ANAPC10: variants seen among roughly 807,000 people sequenced by gnomAD.
ANAPC10 encodes the protein anaphase promoting complex subunit 10, also known as anaphase-promoting complex subunit 10.
A neutral mutation model predicts 22.0 loss-of-function variants in ANAPC10; 12 were observed. The ratio of observed to expected loss-of-function variants is 0.55; its 90% CI spans 0.35 to 0.88. ANAPC10 has a LOEUF of 0.88. Among genes scored for constraint, ANAPC10 ranks in the 40% least tolerant of loss-of-function variants. The probability of loss-of-function intolerance (pLI) is 0.01; values close to 1 mark genes in which losing one functional copy is unlikely to be tolerated. For synonymous variants in ANAPC10, 65 were observed against 69.5 expected (o/e 0.94, Z 0.32); for missense variants, 188 against 220.9 (o/e 0.85, Z 0.94).
At chr4:145,040,066 C>G (rs991807970) in intron 4 of ANAPC10, among the ~76,000 whole-genome samples, 4 of 151,972 alleles carry the variant, frequency 2.6e-5, no homozygotes, top group African/African-American at 9.7e-5. Context: ...AATGAAAACT[C>G]TTAATTTCAT....
intron 4 of ANAPC10, among the ~76,000 whole-genome samples, chr4:145,001,230 AGGAGGGAGTGAGGGAGGGAG>A (rs1732511503): frequency 9.7e-6 from 1 of 103,250 alleles, no homozygotes; most frequent in Non-Finnish European, 1.8e-5. Flanking sequence ...GAGGGAGGGA[AGGAGGGAGTGAGGGAGGGAG>A]GGAGGGAGGG....
intron 4 of ANAPC10, among the ~76,000 whole-genome samples, chr4:145,028,872 C>A (rs1236034495): frequency 6.6e-6 from 1 of 152,166 alleles, no homozygotes; most frequent in East Asian, 1.9e-4. Flanking sequence ...AAATGATGAA[C>A]TCAGGGATTC....
chr4:145,029,271 A>G (rs532194500), intron 4 of ANAPC10, among the ~76,000 whole-genome samples: 1 of 152,240 alleles, frequency 6.6e-6, no homozygotes, highest in African/African-American at 2.4e-5. Context: ...GTCTGAGAAG[A>G]TAAACCCTGT....
At chr4:145,067,440 C>G (rs1034138772) in intron 3 of ANAPC10, among the ~76,000 whole-genome samples, 1 of 152,126 alleles carries the variant, frequency 6.6e-6, no homozygotes, top group Non-Finnish European at 1.5e-5. Flanking sequence ...TATCCCCTCA[C>G]TCACTACACG....
intron 4 of ANAPC10, chr4:145,053,682 G>A (rs1277657489): frequency 3.4e-6 from 2 of 581,712 alleles, no homozygotes; most frequent in Middle Eastern, 3.0e-4. Flanking sequence ...AGAAAAGTAT[G>A]CATTGTCTTT....
intron 4 of ANAPC10, among the ~76,000 whole-genome samples, chr4:145,060,613 C>T (rs1742742792): frequency 6.6e-6 from 1 of 151,748 alleles, no homozygotes; most frequent in African/African-American, 2.4e-5. Context: ...CATTTCAATA[C>T]ACACTACACT....
intron 4 of ANAPC10, among the ~76,000 whole-genome samples, chr4:145,029,958 A>T (rs1382798264): frequency 6.6e-6 from 1 of 152,180 alleles, no homozygotes; most frequent in Non-Finnish European, 1.5e-5. Context: ...TCACTCAACT[A>T]CAAAATTTAA....
chr4:145,021,507 C>T (rs1413082793), intron 4 of ANAPC10, among the ~76,000 whole-genome samples: 3 of 152,092 alleles, frequency 2.0e-5, no homozygotes, highest in Admixed American at 6.6e-5. Flanking sequence ...CATCTCTCAC[C>T]TTATATAAAA....
chr4:145,071,684 C>A (rs1744512796), intron 3 of ANAPC10, among the ~76,000 whole-genome samples: 1 of 152,090 alleles, frequency 6.6e-6, no homozygotes, highest in African/African-American at 2.4e-5. Flanking sequence ...ATCTTAGTTT[C>A]TTTCTAGAAA....
chr4:145,068,747 T>C (rs1468545254), intron 3 of ANAPC10, among the ~76,000 whole-genome samples: 2 of 151,978 alleles, frequency 1.3e-5, no homozygotes, highest in African/African-American at 4.8e-5. Context: ...CCGTCTCCAC[T>C]AAAAATACAA....
chr4:145,029,840 C>G (rs998601647), intron 4 of ANAPC10, among the ~76,000 whole-genome samples: 1 of 151,996 alleles, frequency 6.6e-6, no homozygotes. Context: ...GAAGATATAC[C>G]CTTGACCAAT....
At position 144,995,453 on chromosome 4, in the gene ANAPC10, T is replaced by C. The variant is rs1467513788; in HGVS notation, c.478A>G (p.Thr160Ala). 2 of 1,613,822 alleles carry C rather than the reference T, an allele frequency of 1.2e-6. No individual in the cohort carries two copies. The highest frequency in any genetic ancestry group is 1.7e-6 in the Non-Finnish European group (2 of 1,179,790). Residue 160 changes from threonine to alanine, a missense_variant, in exon 5 of 5, where the codon ACA becomes GCA. Thr to Ala is a moderately conservative substitution (Grantham distance 58, BLOSUM62 0). Coordinates refer to ENST00000507656, the MANE Select transcript of ANAPC10 (RefSeq NM_001256706.2). ...DTHMRQIKIY[T>A]PVEESSIGKF... The stretch of plus-strand genomic sequence containing the variant: ...CCAATGGAGCTCTCTTCTACTGGTG[T>C]GTATATTTTAATTTGTCTCATATGG...
intron 2 of ANAPC10, among the ~76,000 whole-genome samples, chr4:145,083,109 GTTT>G (rs1746318820): frequency 6.6e-6 from 1 of 152,094 alleles, no homozygotes; most frequent in Admixed American, 6.5e-5. Flanking sequence ...CATATCTGGA[GTTT>G]TTTACCATAC....
At chr4:145,042,130 T>C (rs555152654) in intron 4 of ANAPC10, among the ~76,000 whole-genome samples, 183 of 152,288 alleles carry the variant, frequency 1.2e-3, no homozygotes, top group African/African-American at 4.1e-3. Flanking sequence ...TGAATGAAGG[T>C]TGAGACTGCC....
intron 4 of ANAPC10, among the ~76,000 whole-genome samples, chr4:145,011,757 T>C (rs1472259538): frequency 6.6e-6 from 1 of 152,104 alleles, no homozygotes. Flanking sequence ...TCCCTCACAA[T>C]ATTTGCCACA....
At chr4:145,082,299 G>A (rs567999573) in intron 2 of ANAPC10, among the ~76,000 whole-genome samples, 1 of 152,236 alleles carries the variant, frequency 6.6e-6, no homozygotes, top group African/African-American at 2.4e-5. Flanking sequence ...ACAGGCACAC[G>A]CCACCACGCC....
At chr4:145,040,109 TTTTG>T (rs1342953319) in intron 4 of ANAPC10, among the ~76,000 whole-genome samples, 1 of 136,772 alleles carries the variant, frequency 7.3e-6, no homozygotes, top group Non-Finnish European at 1.6e-5. Context: ...TATTGTATGC[TTTTG>T]TTTTAGTGTG....
intron 4 of ANAPC10, among the ~76,000 whole-genome samples, chr4:145,008,595 T>G (rs565627028): frequency 2.0e-5 from 3 of 150,876 alleles, no homozygotes; most frequent in African/African-American, 4.9e-5. Flanking sequence ...CCACATGATT[T>G]TCTCAATAGA....
At chr4:145,024,750 G>C (rs140929122) in intron 4 of ANAPC10, among the ~76,000 whole-genome samples, 6 of 152,118 alleles carry the variant, frequency 3.9e-5, no homozygotes, top group African/African-American at 1.4e-4. Context: ...TTTTAGAATA[G>C]TGAGTGCTGC....
Sources: allele counts gnomAD v4.1 joint callset (sites outside exome capture counted in the v4.1 genomes callset), GRCh38; gene constraint gnomAD v4.1.1; transcripts MANE v1.5; gene names NCBI Gene and HGNC (gene_info 2026-07-23, HGNC 2026-07-21).